TMOD3: variants seen among roughly 807,000 people sequenced by gnomAD.
TMOD3 encodes tropomodulin 3.
Under a neutral mutation model 39.2 loss-of-function variants are expected in TMOD3, and 20 were observed. The ratio of observed to expected loss-of-function variants is 0.51; its 90% CI spans 0.36 to 0.74. TMOD3 has a LOEUF of 0.74. Ranked by LOEUF, TMOD3 falls within the 30% of genes least tolerant of loss-of-function variation. TMOD3 has a pLI of 0.00. For missense variants in TMOD3, 381 were observed against 412.8 expected, an observed-to-expected ratio of 0.92 and a Z score of 0.67; for synonymous variants, 143 against 145.8, an observed-to-expected ratio of 0.98 and a Z score of 0.14.
chr15:51,900,249 A>G lies in TMOD3; in HGVS notation c.830A>G (p.Asp277Gly), dbSNP rs377654075. 65 of 1,614,096 alleles carry G rather than the reference A, an allele frequency of 4.0e-5. No individual in the cohort carries two copies. The highest frequency in any genetic ancestry group is 2.7e-4 in the East Asian group (12 of 44,902). The change falls in exon 8 of 10, where the codon GAT becomes GGT. Residue 277 changes from aspartate (D) to glycine (G), a missense_variant. Asp to Gly is a moderately conservative substitution (Grantham distance 94). Coordinates refer to ENST00000308580, the MANE Select transcript of TMOD3 (RefSeq NM_014547.5). Reference sequence around the variant, plus strand: ...GGAGTTGGGATTCTGGCACTGATTGATGCGTTAAGAGATAATGAAACCCTG... The same window carrying G: ...GGAGTTGGGATTCTGGCACTGATTGGTGCGTTAAGAGATAATGAAACCCTG... ...ITGVGILALI[D>G]ALRDNETLAE...
chr15:51,882,625 T>C (rs1385386406), intron 3 of TMOD3, among the ~76,000 whole-genome samples: 2 of 152,234 alleles, frequency 1.3e-5, no homozygotes, highest in African/African-American at 4.8e-5. Context: ...CAGTTGACCA[T>C]AAGTATAAGG....
At chr15:51,873,842 G>A (rs2056488190) in intron 3 of TMOD3, among the ~76,000 whole-genome samples, 1 of 151,968 alleles carries the variant, frequency 6.6e-6, no homozygotes, top group Non-Finnish European at 1.5e-5. Context: ...GGCTGGTCTC[G>A]AACTCCTGAC....
intron 9 of TMOD3, among the ~76,000 whole-genome samples, chr15:51,905,837 G>A (rs956673315): frequency 2.4e-4 from 37 of 151,326 alleles, no homozygotes; most frequent in African/African-American, 8.8e-4. Flanking sequence ...CCAGCTACTC[G>A]GGAGGCTGAG....
chr15:51,845,414 C>T (rs1357916708), intron 1 of TMOD3, among the ~76,000 whole-genome samples: 1 of 152,184 alleles, frequency 6.6e-6, no homozygotes, highest in African/African-American at 2.4e-5. Flanking sequence ...TCCGCTCACC[C>T]TCAGTCTGAT....
intron 9 of TMOD3, among the ~76,000 whole-genome samples, chr15:51,902,386 C>A (rs1195689673): frequency 6.6e-6 from 1 of 152,030 alleles, no homozygotes; most frequent in Non-Finnish European, 1.5e-5. Context: ...TCAAGCGGAC[C>A]CAGATAGAAA....
chr15:51,893,657 C>T (rs1371111981), intron 5 of TMOD3, among the ~76,000 whole-genome samples, 158 bp from the exon 6 acceptor site: 1 of 151,628 alleles, frequency 6.6e-6, no homozygotes, highest in East Asian at 1.9e-4. Flanking sequence ...CCCAGCTACT[C>T]AGGAGGCTGA....
At chr15:51,868,021 G>A (rs2056455804) in intron 2 of TMOD3, among the ~76,000 whole-genome samples, 1 of 152,192 alleles carries the variant, frequency 6.6e-6, no homozygotes, top group Non-Finnish European at 1.5e-5. Flanking sequence ...CTTGGGGCAT[G>A]TGAAACAATG....
chr15:51,887,857 A>G (rs2056573057), intron 4 of TMOD3, 146 bp downstream of exon 4: 1 of 955,690 alleles, frequency 1.0e-6, no homozygotes, highest in South Asian at 1.8e-5. Context: ...TATATTTTAC[A>G]CGGTAAAGCT....
chr15:51,881,550 CTTTTTTTTTT>C (rs753814979), intron 3 of TMOD3, among the ~76,000 whole-genome samples: 11 of 61,828 alleles, frequency 1.8e-4, no homozygotes, highest in Non-Finnish European at 2.4e-4. Context: ...TTCTTTATTT[CTTTTTTTTTT>C]TTTTTTTTTT....
intron 3 of TMOD3, among the ~76,000 whole-genome samples, chr15:51,870,460 T>C (rs1338439202): frequency 1.3e-5 from 2 of 152,226 alleles, no homozygotes; most frequent in Non-Finnish European, 2.9e-5. Context: ...TGAATTCATA[T>C]TAGTCCAGGC....
At chr15:51,862,673 A>T in intron 1 of TMOD3, 138 bp from the exon 2 acceptor site, 1 of 287,256 alleles carries the variant, frequency 3.5e-6, no homozygotes. Context: ...TGAATGATTC[A>T]TAAACAAGAA....
chr15:51,880,942 G>GT (rs1309406656), intron 3 of TMOD3, among the ~76,000 whole-genome samples: 2 of 152,148 alleles, frequency 1.3e-5, no homozygotes, highest in Non-Finnish European at 2.9e-5. Context: ...CACCAGTAAT[G>GT]TACCAGGGTT....
At chr15:51,869,135 C>A in intron 2 of TMOD3, 82 bp from the exon 3 acceptor site, 1 of 1,480,876 alleles carries the variant, frequency 6.8e-7, no homozygotes, top group Non-Finnish European at 9.1e-7. Context: ...GTCTGTAATT[C>A]TTTTTTATAT....
intron 3 of TMOD3, among the ~76,000 whole-genome samples, chr15:51,876,656 T>C (rs1404687787): frequency 6.6e-6 from 1 of 151,654 alleles, no homozygotes; most frequent in Admixed American, 6.6e-5. Flanking sequence ...AGAGACGGGG[T>C]TTCACCGTGT....
At chr15:51,832,736 A>G (rs2056262847) in intron 1 of TMOD3, among the ~76,000 whole-genome samples, 1 of 152,168 alleles carries the variant, frequency 6.6e-6, no homozygotes, top group Non-Finnish European at 1.5e-5. Context: ...GGCTTTGCGG[A>G]TAAAAGTATA....
In TMOD3 at chr15:51,908,676, CTT is replaced by C. The variant is rs773203028; in HGVS notation, c.1025-99_1025-98del. The C allele has an allele frequency of 9.7e-5, 64 of 656,876 alleles. 1 individual carries two copies. In the East Asian group the frequency reaches 1.0e-3, roughly 10 times the overall value. 40.7% of individuals were successfully genotyped at this position (656,876 alleles called of 1,614,324 possible). A position where few individuals can be genotyped will look rare whatever the true frequency, so the allele number is the denominator to read the frequency against. ...AAATGGACATTTCAATTTTGTAAAA[CTT>C]ATAACTGGATTATGCAGAAACTTGC... On this transcript the variant is annotated intron_variant, in intron 9 of 9. Transcript: ENST00000308580.
intron 6 of TMOD3, among the ~76,000 whole-genome samples, chr15:51,896,211 CAGT>C (rs1216888668): frequency 1.3e-5 from 2 of 152,032 alleles, no homozygotes; most frequent in Non-Finnish European, 1.5e-5. Context: ...TGCTCTGAGT[CAGT>C]AGTTTATGCA....
At position 51,862,850 on chromosome 15, in the gene TMOD3, C is replaced by T. The variant is rs2056425816; in HGVS notation, c.-35C>T. On this transcript the variant is annotated 5_prime_UTR_variant, in exon 2 of 10. Transcript: ENST00000308580. ...AGAGATCACTTCTGACTGTACTGAA[C>T]AGCAAAAATTAAGTGACTTGCTGCC... 6.3e-7 allele frequency: 1 copy of T among 1,599,772 alleles called. No individual in the cohort carries two copies. Among genetic ancestry groups the T allele is most frequent in the African/African-American group, 1.3e-5 (1 of 74,076 alleles).
chr15:51,861,613 A>G (rs1218837587), intron 1 of TMOD3, among the ~76,000 whole-genome samples: 1 of 152,080 alleles, frequency 6.6e-6, no homozygotes, highest in Admixed American at 6.6e-5. Flanking sequence ...AACGTAACCA[A>G]ATCACTAAGT....
Sources: gnomAD v4.1 joint callset for allele counts (sites outside exome capture counted in the v4.1 genomes callset) on GRCh38, gnomAD v4.1.1 for gene constraint, MANE v1.5 for transcripts, NCBI Gene and HGNC (gene_info 2026-07-23, HGNC 2026-07-21) for gene names.